Variants in CAMK1D observed in about 807,000 individuals in gnomAD.
CAMK1D encodes calcium/calmodulin-dependent protein kinase type 1D.
In CAMK1D, 9 loss-of-function variants were observed where a neutral mutation model predicts 47.7. The ratio of observed to expected loss-of-function variants is 0.19; its 90% CI spans 0.11 to 0.33. The LOEUF (loss-of-function observed/expected upper bound fraction) is 0.33. CAMK1D is among the 10% of genes least tolerant of loss of function. The pLI is 1.00. For synonymous variants in CAMK1D, 184 were observed against 184.9 expected, an observed-to-expected ratio of 0.99 and a Z score of 0.04; for missense variants, 291 against 488.7, an observed-to-expected ratio of 0.60 and a Z score of 3.81.
chr10:12,554,377 A>G (rs1836694279), intron 2 of CAMK1D, among the ~76,000 whole-genome samples: 1 of 129,144 alleles, frequency 7.7e-6, no homozygotes, highest in South Asian at 2.3e-4. Context: ...CTGGTCTTGA[A>G]CTCCTGACCT....
chr10:12,407,368 C>T (rs1839475336), intron 1 of CAMK1D, among the ~76,000 whole-genome samples: 2 of 152,248 alleles, frequency 1.3e-5, no homozygotes, highest in Admixed American at 6.5e-5. Context: ...CCTTCCTTTT[C>T]ACATTTCTTT....
chr10:12,545,577 G>A (rs368282440), intron 1 of CAMK1D, among the ~76,000 whole-genome samples: 7 of 151,664 alleles, frequency 4.6e-5, no homozygotes, highest in South Asian at 2.1e-4. Flanking sequence ...TGAGGTGGGC[G>A]GATCACGAGG....
chr10:12,719,841 G>A lies in CAMK1D; in HGVS notation c.300-41107G>A, dbSNP rs866386950. 5.3e-5 allele frequency among the ~76,000 whole-genome samples: 8 copies of A among 152,084 alleles called. No homozygotes were observed. In the South Asian group the frequency reaches 6.2e-4, roughly 12 times the overall value. On this transcript the variant is annotated intron_variant, in intron 3 of 10. Coordinates refer to ENST00000619168, the MANE Select transcript of CAMK1D (RefSeq NM_153498.4). The stretch of plus-strand genomic sequence containing the variant: ...AGAGACTAGAAAATAATTGCTCATC[G>A]CATCCCAGCCTTTAGATTCCAGTCC...
chr10:12,395,496 A>C (rs1838910473), intron 1 of CAMK1D, among the ~76,000 whole-genome samples: 1 of 152,182 alleles, frequency 6.6e-6, no homozygotes, highest in South Asian at 2.1e-4. Context: ...GGAAACTTTA[A>C]GACAAAATAA....
intron 2 of CAMK1D, among the ~76,000 whole-genome samples, chr10:12,570,790 A>C (rs1193763407): frequency 6.6e-6 from 1 of 151,578 alleles, no homozygotes; most frequent in African/African-American, 2.4e-5. Context: ...CAAAAAGAAA[A>C]TAAAAAATAA....
At chr10:12,404,708 T>G (rs1332620202) in intron 1 of CAMK1D, among the ~76,000 whole-genome samples, 1 of 151,910 alleles carries the variant, frequency 6.6e-6, no homozygotes, top group Non-Finnish European at 1.5e-5. Flanking sequence ...ATTTTTTTTT[T>G]TTTTGAGATG....
intron 2 of CAMK1D, among the ~76,000 whole-genome samples, chr10:12,618,818 T>G: frequency 6.6e-6 from 1 of 152,212 alleles, no homozygotes; most frequent in Non-Finnish European, 1.5e-5. Flanking sequence ...GCAGTTTATT[T>G]GTCATATACC....
chr10:12,597,526 CT>C (rs960367324), intron 2 of CAMK1D, among the ~76,000 whole-genome samples: 1 of 152,158 alleles, frequency 6.6e-6, no homozygotes, highest in African/African-American at 2.4e-5. Flanking sequence ...TCTGGGGCCC[CT>C]ACCAGGCAAA....
At chr10:12,655,328 C>A (rs1840089247) in intron 2 of CAMK1D, among the ~76,000 whole-genome samples, 1 of 152,046 alleles carries the variant, frequency 6.6e-6, no homozygotes, top group Admixed American at 6.5e-5. Context: ...GAGGGATCCA[C>A]CCCCATGACT....
intron 1 of CAMK1D, among the ~76,000 whole-genome samples, chr10:12,520,034 C>T (rs1375957962): frequency 1.2e-5 from 1 of 82,270 alleles, no homozygotes; most frequent in African/African-American, 4.8e-5. Context: ...GAGCCCCTCA[C>T]CTCCCGGACG....
rs536610381 is a variant in CAMK1D at position 12,408,914 on chromosome 10, C to T, written c.92+59004C>T. 1.3e-4 allele frequency among the ~76,000 whole-genome samples: 19 copies of T among 140,918 alleles called. 1 individual carries two copies. In the East Asian group the frequency reaches 2.5e-3, roughly 19 times the overall value. 92.4% of individuals were successfully genotyped at this position (140,918 alleles called of 152,430 possible). On this transcript the variant is annotated intron_variant, in intron 1 of 10. Transcript: ENST00000619168. ...TGTCGCCCAGGCTGGAGTGCAGTGG[C>T]GCGATCTCAGCTCACTGCAACCTCC... is the stretch of plus-strand genomic sequence containing the variant.
At chr10:12,352,801 A>G (rs1837391662) in intron 1 of CAMK1D, among the ~76,000 whole-genome samples, 1 of 147,476 alleles carries the variant, frequency 6.8e-6, no homozygotes, top group African/African-American at 2.5e-5. Context: ...CAGTGGCGCA[A>G]TCTCGGCTCA....
chr10:12,761,651 G>A (rs1186425633), intron 4 of CAMK1D, among the ~76,000 whole-genome samples: 1 of 152,130 alleles, frequency 6.6e-6, no homozygotes, highest in East Asian at 1.9e-4. Flanking sequence ...CACTTTGGGA[G>A]GCCGAGGAAG....
At chr10:12,506,580 A>G (rs571400739) in intron 1 of CAMK1D, among the ~76,000 whole-genome samples, 3 of 151,804 alleles carry the variant, frequency 2.0e-5, no homozygotes, top group African/African-American at 7.2e-5. Flanking sequence ...GTGCAGTGGC[A>G]CGATCTCAGC....
Position 12,518,493 on chromosome 10 carries a change from TA to T in CAMK1D, c.93-34731del, listed in dbSNP as rs1446554516. ...CATTCTTTTTTTATTTTTTATTTTT[TA>T]TTTTTTTTTTTTATTGATCATTCTT... On this transcript the variant is annotated intron_variant, in intron 1 of 10. Transcript: ENST00000619168. Among the ~76,000 whole-genome samples, 3 of 104,898 alleles carry T rather than the reference TA, an allele frequency of 2.9e-5. 1 individual carries two copies. Among genetic ancestry groups the T allele is most frequent in the African/African-American group, 6.8e-5 (2 of 29,250 alleles). The allele number at this position is 104,898 out of a possible 152,430, so 68.8% of individuals were successfully genotyped here. A position where few individuals can be genotyped will look rare whatever the true frequency, so the allele number is the denominator to read the frequency against.
chr10:12,749,766 T>C (rs1300922808), intron 3 of CAMK1D, among the ~76,000 whole-genome samples: 1 of 152,142 alleles, frequency 6.6e-6, no homozygotes, highest in African/African-American at 2.4e-5. Flanking sequence ...ATTTTTGTAT[T>C]TTCAGTAGAG....
At chr10:12,491,907 C>T (rs943530256) in intron 1 of CAMK1D, among the ~76,000 whole-genome samples, 9 of 152,260 alleles carry the variant, frequency 5.9e-5, no homozygotes, top group Admixed American at 5.2e-4. Flanking sequence ...CTGCCTCAGT[C>T]TCCCAAGTAA....
At chr10:12,567,534 A>G (rs1837162758) in intron 2 of CAMK1D, among the ~76,000 whole-genome samples, 1 of 152,162 alleles carries the variant, frequency 6.6e-6, no homozygotes. Context: ...ATTTCTCTAC[A>G]GGTGTACGCA....
intron 2 of CAMK1D, among the ~76,000 whole-genome samples, chr10:12,568,809 T>TA (rs1335704427): frequency 2.6e-5 from 4 of 152,270 alleles, no homozygotes; most frequent in Non-Finnish European, 5.9e-5. Flanking sequence ...AAGTAAGTGA[T>TA]ACAGTGTTTC....
Sources: allele counts gnomAD v4.1 joint callset (sites outside exome capture counted in the v4.1 genomes callset), GRCh38; gene constraint gnomAD v4.1.1; transcripts MANE v1.5; gene names NCBI Gene and HGNC (gene_info 2026-07-23, HGNC 2026-07-21).